The following PRIMA1 variants were observed in gnomAD, a reference collection of about 807,000 sequenced individuals.
PRIMA1 encodes proline-rich membrane anchor 1.
A neutral mutation model predicts 17.5 loss-of-function variants in PRIMA1; 7 were observed. That is an observed-to-expected ratio of 0.40 (90% CI 0.23 to 0.75). The LOEUF (loss-of-function observed/expected upper bound fraction) is 0.75. Among genes scored for constraint, PRIMA1 ranks in the 30% least tolerant of loss-of-function variants. The pLI, the probability that PRIMA1 is intolerant of heterozygous loss-of-function variation, is 0.37. For synonymous variants in PRIMA1, 97 were observed against 77.9 expected (o/e 1.25, Z -1.29); for missense variants, 200 against 201.8 (o/e 0.99, Z 0.05).
intron 3 of PRIMA1, among the ~76,000 whole-genome samples, chr14:93,748,086 G>A (rs2076236861): frequency 1.3e-5 from 2 of 152,036 alleles, no homozygotes; most frequent in South Asian, 4.1e-4. Context: ...GTGTGTGAGT[G>A]CGTATGAGTG....
chr14:93,735,832 G>A (rs2076146439), intron 4 of PRIMA1, among the ~76,000 whole-genome samples: 1 of 151,954 alleles, frequency 6.6e-6, no homozygotes, highest in Non-Finnish European at 1.5e-5. Context: ...TGGGATTATA[G>A]GCGTGTGCCA....
chr14:93,762,793 C>T, intron 3 of PRIMA1, among the ~76,000 whole-genome samples: 1 of 152,186 alleles, frequency 6.6e-6, no homozygotes, highest in East Asian at 1.9e-4. Context: ...GCCTGTAGGC[C>T]CCACTCCATC....
chr14:93,758,559 A>AGATTG, intron 3 of PRIMA1, among the ~76,000 whole-genome samples: 1 of 148,300 alleles, frequency 6.7e-6, no homozygotes, highest in African/African-American at 2.5e-5. Flanking sequence ...AGATTGCACC[A>AGATTG]CTGCACTCCA....
At chr14:93,779,115 A>T in intron 3 of PRIMA1, 61 bp downstream of exon 3, 1 of 1,286,698 alleles carries the variant, frequency 7.8e-7, no homozygotes, top group Non-Finnish European at 1.0e-6. Flanking sequence ...CACTCAGTGG[A>T]TCTTCGTGGG....
intron 3 of PRIMA1, among the ~76,000 whole-genome samples, chr14:93,746,877 G>C (rs922970780): frequency 6.6e-6 from 1 of 152,172 alleles, no homozygotes; most frequent in Non-Finnish European, 1.5e-5. Flanking sequence ...GGCTGTGCTT[G>C]TGGGAGGAGG....
chr14:93,731,598 T>C (rs1359392118), intron 4 of PRIMA1, among the ~76,000 whole-genome samples: 1 of 152,250 alleles, frequency 6.6e-6, no homozygotes, highest in Non-Finnish European at 1.5e-5. Context: ...TGCCTGACTC[T>C]TTGGAGAGGA....
At chr14:93,787,024 G>GT (rs1885544767) in intron 2 of PRIMA1, among the ~76,000 whole-genome samples, 1 of 151,950 alleles carries the variant, frequency 6.6e-6, no homozygotes, top group Admixed American at 6.6e-5. Flanking sequence ...GCGCATTCTG[G>GT]GGGGGACTAG....
intron 2 of PRIMA1, among the ~76,000 whole-genome samples, chr14:93,784,931 A>C (rs1158703927): frequency 1.3e-5 from 2 of 152,178 alleles, no homozygotes; most frequent in African/African-American, 2.4e-5. Context: ...ATGCTGCCGA[A>C]TGAATCATCA....
intron 3 of PRIMA1, among the ~76,000 whole-genome samples, chr14:93,752,611 G>A (rs2076267028): frequency 6.6e-6 from 1 of 152,224 alleles, no homozygotes; most frequent in Admixed American, 6.5e-5. Flanking sequence ...AGGCCCACGA[G>A]AACTCCACCA....
intron 2 of PRIMA1, among the ~76,000 whole-genome samples, chr14:93,782,942 C>T (rs998113605): frequency 1.3e-5 from 2 of 152,128 alleles, no homozygotes; most frequent in African/African-American, 4.8e-5. Flanking sequence ...TCTCTCTCTC[C>T]TTTTTTTGAG....
At chr14:93,732,240 G>T (rs1265802989) in intron 4 of PRIMA1, among the ~76,000 whole-genome samples, 1 of 152,200 alleles carries the variant, frequency 6.6e-6, no homozygotes, top group East Asian at 1.9e-4. Context: ...CAACACAGGA[G>T]CTCTTCTCTG....
Position 93,779,246 on chromosome 14 carries a change from C to T in PRIMA1, c.159G>A (p.Gln53=). The change falls in exon 3 of 5, where the codon CAG becomes CAA. Residue 53 remains glutamine (Q), a synonymous_variant. Transcript: ENST00000393140. ...GGGGCAGCGGGGGAGGGGGCCGGCACTGGCAGACGTGTCGGCAGCTGTCAG... is the reference window on the plus strand; with the variant it reads ...GGGGCAGCGGGGGAGGGGGCCGGCATTGGCAGACGTGTCGGCAGCTGTCAG... ...KVTDSCRHVC[Q]CRPPPPLPPP... The T allele has an allele frequency of 1.3e-6, 2 of 1,530,256 alleles. No homozygotes were observed. The highest frequency in any genetic ancestry group is 1.7e-6 in the Non-Finnish European group (2 of 1,146,548). 94.8% of individuals were successfully genotyped at this position (1,530,256 alleles called of 1,614,324 possible). A position where few individuals can be genotyped will look rare whatever the true frequency, so the allele number is the denominator to read the frequency against.
chr14:93,785,748 T>A (rs1373316356), intron 2 of PRIMA1, among the ~76,000 whole-genome samples: 1 of 152,196 alleles, frequency 6.6e-6, no homozygotes, highest in Non-Finnish European at 1.5e-5. Flanking sequence ...TAAATTAATT[T>A]TTCCAGAGCC....
At chr14:93,763,794 TC>T (rs927329719) in intron 3 of PRIMA1, among the ~76,000 whole-genome samples, 4 of 151,892 alleles carry the variant, frequency 2.6e-5, no homozygotes, top group Non-Finnish European at 5.9e-5. Context: ...CCGTCTCTTC[TC>T]CCGCCCCACG....
chr14:93,768,980 T>G (rs1279019239), intron 3 of PRIMA1, among the ~76,000 whole-genome samples: 2 of 44,362 alleles, frequency 4.5e-5, no homozygotes, highest in African/African-American at 1.4e-4. Context: ...TAAAGATCAC[T>G]TTTTTAAAAG....
chr14:93,745,186 CT>C (rs1455528372), intron 3 of PRIMA1, among the ~76,000 whole-genome samples: 3 of 152,206 alleles, frequency 2.0e-5, no homozygotes, highest in African/African-American at 4.8e-5. Flanking sequence ...CACGTCCCCC[CT>C]CTCACCCACC....
chr14:93,721,620 G>T, intron 4 of PRIMA1, 74 bp from the exon 5 acceptor site: 2 of 887,228 alleles, frequency 2.3e-6, no homozygotes, highest in Non-Finnish European at 3.7e-6. Context: ...CACTGATGGT[G>T]GGGTGTAACC....
chr14:93,740,452 C>T (rs1387868051), intron 3 of PRIMA1, among the ~76,000 whole-genome samples: 1 of 152,210 alleles, frequency 6.6e-6, no homozygotes, highest in Non-Finnish European at 1.5e-5. Context: ...GCCAGATCAT[C>T]CAAGGCTGTT....
chr14:93,771,518 G>T (rs534948763), intron 3 of PRIMA1, among the ~76,000 whole-genome samples: 1 of 152,230 alleles, frequency 6.6e-6, no homozygotes, highest in South Asian at 2.1e-4. Context: ...AGCCTTCAAG[G>T]TGGCCCCAGC....
Sources: allele counts gnomAD v4.1 joint callset (sites outside exome capture counted in the v4.1 genomes callset), GRCh38; gene constraint gnomAD v4.1.1; transcripts MANE v1.5; gene names NCBI Gene and HGNC (gene_info 2026-07-23, HGNC 2026-07-21).